The following ABCA13 variants were observed in gnomAD, a reference collection of about 807,000 sequenced individuals.
ABCA13 encodes the protein ATP binding cassette subfamily A member 13.
ABCA13 carries 476 observed loss-of-function variants against 478.7 expected under a neutral mutation model. That is an observed-to-expected ratio of 0.99 (90% CI 0.92 to 1.07). ABCA13 has a LOEUF of 1.07. ABCA13 is among the 50% of genes least tolerant of loss of function. ABCA13 has a pLI of 0.00. For missense variants in ABCA13, 6,060 were observed against 5,910.6 expected (o/e 1.03, Z -0.83); for synonymous variants, 2,252 against 2,158.9 (o/e 1.04, Z -1.20).
At chr7:48,588,926 A>C (rs1789466772) in intron 57 of ABCA13, among the ~76,000 whole-genome samples, 1 of 152,214 alleles carries the variant, frequency 6.6e-6, no homozygotes, top group African/African-American at 2.4e-5. Flanking sequence ...TTGCATGATC[A>C]CACCTTTTAT....
chr7:48,187,789 A>G (rs1488664894), intron 1 of ABCA13, among the ~76,000 whole-genome samples: 1 of 151,758 alleles, frequency 6.6e-6, no homozygotes, highest in African/African-American at 2.4e-5. Context: ...TGTTTTCTGA[A>G]TATTTGTCCT....
At position 48,313,143 on chromosome 7, in the gene ABCA13, C is replaced by T; in HGVS notation, c.9593C>T (p.Ala3198Val). The change falls in exon 25 of 62, where the codon GCC (alanine) becomes GTC (valine). Residue 3198 changes from alanine (A) to valine (V), a missense_variant. Physicochemically the swap from Ala to Val is moderately conservative, Grantham distance 64. Around this residue, in one of 3 missense-constraint regions of ABCA13, gnomAD observed 4,423 missense variants for 4,309.1 expected, o/e 1.03. Coordinates refer to ENST00000435803, the MANE Select transcript of ABCA13 (RefSeq NM_152701.5). ...DIVSSLSALL[A>V]KAQHVFEYLP... ...GTTTCCAGCCTCAGCGCCTTGCTTG[C>T]CAAAGCCCAGCACGTCTTTGAGTAT... 1 of 1,613,096 alleles carries T rather than the reference C, an allele frequency of 6.2e-7. No homozygotes were observed. The highest frequency in any genetic ancestry group is 8.5e-7 in the Non-Finnish European group (1 of 1,179,482).
intron 4 of ABCA13, among the ~76,000 whole-genome samples, chr7:48,219,880 C>T (rs997918110): frequency 6.8e-5 from 5 of 74,044 alleles, no homozygotes; most frequent in African/African-American, 2.3e-4. Flanking sequence ...CCCACCTTCC[C>T]CAAACACACA....
At chr7:48,424,754 G>C (rs1821184622) in intron 41 of ABCA13, among the ~76,000 whole-genome samples, 2 of 152,212 alleles carry the variant, frequency 1.3e-5, no homozygotes, top group Non-Finnish European at 2.9e-5. Context: ...TACAGTTGCT[G>C]TCTGTGTGAT....
At chr7:48,457,465 G>A (rs919707952) in intron 43 of ABCA13, among the ~76,000 whole-genome samples, 5 of 151,950 alleles carry the variant, frequency 3.3e-5, no homozygotes, top group African/African-American at 1.2e-4. Flanking sequence ...CTACTGCATT[G>A]TTAATTTGGC....
rs561363966 is a variant in ABCA13 at position 48,252,206 on chromosome 7, T to G, written c.2005+2855T>G. Among the ~76,000 whole-genome samples the G allele has an allele frequency of 5.9e-5, 9 of 152,312 alleles. 1 individual carries two copies. In the South Asian group the frequency reaches 1.9e-3, roughly 32 times the overall value. ...TCCTTGGGCTGTGTTCATTTTTTTT[T>G]CTTTGCTCCTCTGATTTGATTGTTT... On this transcript the variant is annotated intron_variant, in intron 15 of 61. Coordinates refer to ENST00000435803, the MANE Select transcript of ABCA13 (RefSeq NM_152701.5).
intron 1 of ABCA13, among the ~76,000 whole-genome samples, chr7:48,175,882 TAACAACAACAACAAC>T (rs376433232): frequency 6.6e-6 from 1 of 151,528 alleles, no homozygotes; most frequent in East Asian, 1.9e-4. Flanking sequence ...AAAGAATTAA[TAACAACAACAACAAC>T]AACAACAACA....
At chr7:48,518,353 C>T (rs929643473) in intron 52 of ABCA13, among the ~76,000 whole-genome samples, 1 of 152,132 alleles carries the variant, frequency 6.6e-6, no homozygotes, top group African/African-American at 2.4e-5. Flanking sequence ...GAGAGCTTCC[C>T]TGGGGAGTGG....
intron 1 of ABCA13, among the ~76,000 whole-genome samples, chr7:48,172,910 T>C (rs1172050401): frequency 1.3e-5 from 2 of 151,992 alleles, no homozygotes; most frequent in African/African-American, 4.8e-5. Flanking sequence ...GTAGGTAGTT[T>C]TACATTTATA....
At chr7:48,600,610 C>T (rs529335868) in intron 58 of ABCA13, among the ~76,000 whole-genome samples, 4 of 152,106 alleles carry the variant, frequency 2.6e-5, no homozygotes, top group African/African-American at 7.2e-5. Context: ...TGATAGTATA[C>T]GTCTTGATGC....
At chr7:48,172,279 C>G (rs191057370) in intron 1 of ABCA13, among the ~76,000 whole-genome samples, 1 of 152,116 alleles carries the variant, frequency 6.6e-6, no homozygotes, top group Non-Finnish European at 1.5e-5. Flanking sequence ...TTACCTGCAT[C>G]GTTTCTGATT....
intron 55 of ABCA13, among the ~76,000 whole-genome samples, chr7:48,574,205 T>C (rs73694679): frequency 0.011 from 1,750 of 152,224 alleles, 29 homozygotes; most frequent in African/African-American, 0.04. Context: ...TCTGGATGAT[T>C]CTGTTTTACT....
intron 16 of ABCA13, among the ~76,000 whole-genome samples, chr7:48,269,540 G>A (rs145759054): frequency 7.2e-5 from 11 of 152,260 alleles, no homozygotes; most frequent in South Asian, 2.1e-4. Context: ...ATTTCAGCAC[G>A]TGTATTGAAA....
rs370046309 is a variant in ABCA13 at position 48,606,238 on chromosome 7, T to C, written c.14745-9047T>C. On this transcript the variant is annotated intron_variant, in intron 58 of 61. Coordinates refer to ENST00000435803, the MANE Select transcript of ABCA13 (RefSeq NM_152701.5). ...GTCCGTTCGTCAAACTTATTCTCCA[T>C]CCAGTTTTGTTCCCTTGATGGCGAG... Among the ~76,000 whole-genome samples, 3 of 152,186 alleles carry C rather than the reference T, an allele frequency of 2.0e-5. No homozygotes were observed. The South Asian group carries it at 6.2e-4, about 31-fold the overall frequency.
At position 48,455,230 on chromosome 7, in the gene ABCA13, C is replaced by A. The variant is rs1286818386; in HGVS notation, c.12759C>A (p.Tyr4253Ter). The A allele has an allele frequency of 1.2e-6, 2 of 1,603,924 alleles. No individual in the cohort carries two copies. Among genetic ancestry groups the A allele is most frequent in the African/African-American group, 1.3e-5 (1 of 74,646 alleles). The change falls in exon 43 of 62, where the codon TAC (tyrosine) becomes TAA (stop). Residue 4253 changes from tyrosine to a stop codon, truncating the protein, a stop_gained. Transcript: ENST00000435803. LOFTEE classifies it high-confidence loss of function. ...LFMVRPLATE[Y>*]PPLRLTPGHY... ...TGGTGAGACCCCTGGCCACCGAGTACCCTCCCCTCAGACTCACACCTGGAC... is the reference window on the plus strand; with the variant it reads ...TGGTGAGACCCCTGGCCACCGAGTAACCTCCCCTCAGACTCACACCTGGAC...
intron 48 of ABCA13, among the ~76,000 whole-genome samples, chr7:48,498,472 C>A (rs963615109): frequency 5.3e-5 from 8 of 152,112 alleles, no homozygotes; most frequent in African/African-American, 1.7e-4. Flanking sequence ...GTTTGCACCC[C>A]AGAATCTTCC....
Position 48,520,122 on chromosome 7 carries a change from C to G in ABCA13, c.13879C>G (p.Leu4627Val), listed in dbSNP as rs1325278090. 6 of 1,613,528 alleles carry G rather than the reference C, an allele frequency of 3.7e-6. No homozygotes were observed. The highest frequency in any genetic ancestry group is 1.7e-5 in the Admixed American group (1 of 59,972). Residue 4627 changes from leucine (L) to valine (V), a missense_variant, in exon 53 of 62, where the codon CTC becomes GTC. Leu to Val is a conservative substitution (Grantham distance 32, BLOSUM62 1). Transcript: ENST00000435803. ...QFCLGQGLVE[L>V]CYNQIKYDLT... ...CTGTCTTGGTCAAGGACTGGTAGAA[C>G]TCTGCTATAATCAGATCAAATATGA...
intron 5 of ABCA13, among the ~76,000 whole-genome samples, chr7:48,226,762 G>A (rs773719775): frequency 7.2e-5 from 11 of 152,134 alleles, no homozygotes; most frequent in African/African-American, 2.4e-4. Flanking sequence ...AGAAAGCCTC[G>A]GGTATCTAGA....
In ABCA13 at chr7:48,369,958, T is replaced by C. The variant is rs1017471229; in HGVS notation, c.10803+2050T>C. 2.0e-5 allele frequency among the ~76,000 whole-genome samples: 3 copies of C among 152,124 alleles called. No homozygotes were observed. In the East Asian group the frequency reaches 5.8e-4, roughly 29 times the overall value. On this transcript the variant is annotated intron_variant, in intron 32 of 61. Transcript: ENST00000435803. The stretch of plus-strand genomic sequence containing the variant: ...TGGTGGTGTTTTGATGGGAATTGCA[T>C]TGAATTGCAGATTGCTTTTGGCAGT...
Sources: allele counts gnomAD v4.1 joint callset (sites outside exome capture counted in the v4.1 genomes callset), GRCh38; gene constraint gnomAD v4.1.1; regional missense constraint gnomAD v4.1.1; transcripts MANE v1.5; gene names NCBI Gene and HGNC (gene_info 2026-07-23, HGNC 2026-07-21).